Variants in SYT1 observed in about 807,000 individuals in gnomAD.
The protein encoded by SYT1 is synaptotagmin 1.
Under a neutral mutation model 44.8 loss-of-function variants are expected in SYT1, and 8 were observed. That is an observed-to-expected ratio of 0.18 (90% confidence interval 0.10 to 0.32). The LOEUF is 0.32. Ranked by LOEUF, SYT1 falls within the 10% of genes least tolerant of loss-of-function variation. The pLI is 1.00. For missense variants in SYT1, 286 were observed against 509.3 expected (o/e 0.56, Z 4.22); for synonymous variants, 154 against 188.8 (o/e 0.82, Z 1.51).
At chr12:79,124,251 G>A (rs1305999165) in intron 3 of SYT1, among the ~76,000 whole-genome samples, 1 of 152,150 alleles carries the variant, frequency 6.6e-6, no homozygotes, top group Non-Finnish European at 1.5e-5. Flanking sequence ...AAATTCTCCA[G>A]CACCAACATG....
rs183620021 is a variant in SYT1 at position 78,878,000 on chromosome 12, A to G, written c.-217+12891A>G. Among the ~76,000 whole-genome samples, 8 of 151,926 alleles carry G rather than the reference A, an allele frequency of 5.3e-5. No individual in the cohort carries two copies. In the East Asian group the frequency reaches 1.6e-3, roughly 30 times the overall value. On this transcript the variant is annotated intron_variant, in intron 1 of 10. Coordinates refer to ENST00000261205, the MANE Select transcript of SYT1 (RefSeq NM_005639.3). ...GTGAATTTATAATCCATTATTTTTAAGTCCACAATGAATCTAGCACCAATG... is the reference window on the plus strand; with the variant it reads ...GTGAATTTATAATCCATTATTTTTAGGTCCACAATGAATCTAGCACCAATG...
intron 1 of SYT1, among the ~76,000 whole-genome samples, chr12:78,927,255 T>A (rs950775248): frequency 6.6e-6 from 1 of 152,130 alleles, no homozygotes; most frequent in Admixed American, 6.6e-5. Flanking sequence ...CTGTCCTTGA[T>A]GCTGGAGGGG....
At chr12:79,004,964 CT>C (rs1380309943) in intron 2 of SYT1, among the ~76,000 whole-genome samples, 5 of 151,912 alleles carry the variant, frequency 3.3e-5, no homozygotes, top group African/African-American at 7.3e-5. Flanking sequence ...TGAAGCTTAA[CT>C]TTAGTTGTAT....
intron 8 of SYT1, among the ~76,000 whole-genome samples, chr12:79,335,149 G>A (rs1023354387): frequency 2.1e-4 from 32 of 152,134 alleles, no homozygotes; most frequent in African/African-American, 6.7e-4. Context: ...CTTCCAACAC[G>A]GCAAGCAGTG....
At chr12:79,194,111 ATAGTC>A (rs1873296674) in intron 3 of SYT1, among the ~76,000 whole-genome samples, 1 of 152,126 alleles carries the variant, frequency 6.6e-6, no homozygotes, top group Admixed American at 6.6e-5. Flanking sequence ...AAAATTATCT[ATAGTC>A]TAAATAACTT....
intron 8 of SYT1, among the ~76,000 whole-genome samples, chr12:79,328,486 C>T (rs923604620): frequency 6.6e-6 from 1 of 152,104 alleles, no homozygotes; most frequent in Non-Finnish European, 1.5e-5. Context: ...AGTACCATAC[C>T]CACAGTCAAG....
intron 3 of SYT1, among the ~76,000 whole-genome samples, chr12:79,054,286 C>T (rs966117903): frequency 6.6e-6 from 1 of 151,970 alleles, no homozygotes; most frequent in Non-Finnish European, 1.5e-5. Flanking sequence ...TTAATGTGCA[C>T]ACGTTACTTT....
intron 4 of SYT1, among the ~76,000 whole-genome samples, chr12:79,257,714 C>T (rs1362617095): frequency 6.6e-6 from 1 of 152,184 alleles, no homozygotes; most frequent in Non-Finnish European, 1.5e-5. Flanking sequence ...ATCTCGATCT[C>T]TTGACCTGGT....
In SYT1 at chr12:79,179,511, A is replaced by G. The variant is rs1872348129; in HGVS notation, c.-17-37992A>G. 2.7e-5 allele frequency among the ~76,000 whole-genome samples: 3 copies of G among 109,440 alleles called. No homozygotes were observed. The South Asian group carries it at 8.0e-4, about 29-fold the overall frequency. The allele number at this position is 109,440 out of a possible 152,430, so 71.8% of individuals were successfully genotyped here. On this transcript the variant is annotated intron_variant, in intron 3 of 10. Coordinates refer to ENST00000261205, the MANE Select transcript of SYT1 (RefSeq NM_005639.3). ...GATATATCTATATAGATATAGATAT[A>G]GATATATCTATATAGATATAGATAT...
intron 4 of SYT1, among the ~76,000 whole-genome samples, chr12:79,275,176 G>A (rs762336783): frequency 6.6e-6 from 1 of 152,128 alleles, no homozygotes; most frequent in Non-Finnish European, 1.5e-5. Flanking sequence ...CTTTCTGCTT[G>A]TGGGCAAAGA....
intron 9 of SYT1, among the ~76,000 whole-genome samples, chr12:79,425,139 A>C (rs1042528609): frequency 1.3e-5 from 2 of 151,412 alleles, no homozygotes; most frequent in African/African-American, 2.4e-5. Flanking sequence ...TGGCATTTTT[A>C]TATTTGTTCT....
intron 3 of SYT1, among the ~76,000 whole-genome samples, chr12:79,102,311 G>T (rs1878491299): frequency 6.7e-6 from 1 of 150,342 alleles, no homozygotes; most frequent in Non-Finnish European, 1.5e-5. Context: ...AGCTGCACAG[G>T]CTTCTTGCTG....
At chr12:79,448,877 T>TAGAG (rs752813183) in intron 10 of SYT1, 41 bp from the exon 11 acceptor site, 14 of 1,596,588 alleles carry the variant, frequency 8.8e-6, no homozygotes, top group Non-Finnish European at 1.2e-5. Flanking sequence ...GCCTTATCTC[T>TAGAG]AGAGCTAGAT....
intron 4 of SYT1, among the ~76,000 whole-genome samples, chr12:79,256,118 G>A (rs927477737): frequency 1.3e-5 from 2 of 152,186 alleles, no homozygotes; most frequent in Non-Finnish European, 2.9e-5. Context: ...ATATTTTGCA[G>A]TTTGAAAGCA....
At chr12:79,111,998 A>T (rs987974227) in intron 3 of SYT1, among the ~76,000 whole-genome samples, 5 of 151,730 alleles carry the variant, frequency 3.3e-5, no homozygotes, top group African/African-American at 9.7e-5. Context: ...CCCTTGAGAG[A>T]ACTTAAAGTT....
intron 6 of SYT1, among the ~76,000 whole-genome samples, chr12:79,294,862 T>C (rs868393620): frequency 2.0e-5 from 3 of 151,312 alleles, no homozygotes; most frequent in South Asian, 4.2e-4. Context: ...TCTAGCACTC[T>C]TATTGCCACT....
chr12:79,016,970 C>T (rs1871848705), intron 2 of SYT1, among the ~76,000 whole-genome samples: 1 of 152,110 alleles, frequency 6.6e-6, no homozygotes, highest in Admixed American at 6.6e-5. Context: ...TAATTATCTG[C>T]TCCTAGATAT....
chr12:78,986,622 A>G (rs1423992793), intron 2 of SYT1, among the ~76,000 whole-genome samples: 1 of 151,972 alleles, frequency 6.6e-6, no homozygotes, highest in Non-Finnish European at 1.5e-5. Context: ...TTCTCCTGAC[A>G]GGGGAAAAAT....
intron 3 of SYT1, among the ~76,000 whole-genome samples, chr12:79,063,190 T>A (rs1309106362): frequency 6.6e-6 from 1 of 152,208 alleles, no homozygotes; most frequent in Non-Finnish European, 1.5e-5. Context: ...TGAATTTCCT[T>A]GTGCTGAAAT....
Sources: allele counts gnomAD v4.1 joint callset (sites outside exome capture counted in the v4.1 genomes callset), GRCh38; gene constraint gnomAD v4.1.1; transcripts MANE v1.5; gene names NCBI Gene and HGNC (gene_info 2026-07-23, HGNC 2026-07-21).